LRP1B: variants seen among roughly 807,000 people sequenced by gnomAD.
LRP1B encodes low-density lipoprotein receptor-related protein 1B.
Under a neutral mutation model 556.6 loss-of-function variants are expected in LRP1B, and 217 were observed. The ratio of observed to expected loss-of-function variants is 0.39; its 90% confidence interval spans 0.35 to 0.44. The LOEUF (loss-of-function observed/expected upper bound fraction) is 0.44. Ranked by LOEUF, LRP1B falls within the 20% of genes least tolerant of loss-of-function variation. The pLI is 1.00. For missense variants in LRP1B, 5,053 were observed against 5,620.8 expected (o/e 0.90, Z 3.23); for synonymous variants, 2,047 against 1,865.8 (o/e 1.10, Z -2.50).
intron 2 of LRP1B, among the ~76,000 whole-genome samples, chr2:141,772,498 C>T (rs1378561849): frequency 1.3e-5 from 2 of 152,140 alleles, no homozygotes; most frequent in East Asian, 3.9e-4. Context: ...AATGCAAATT[C>T]CCAGGCGCTT....
At chr2:142,109,158 T>C (rs1706871730) in intron 1 of LRP1B, among the ~76,000 whole-genome samples, 1 of 152,172 alleles carries the variant, frequency 6.6e-6, no homozygotes, top group African/African-American at 2.4e-5. Context: ...CAGAATTCTG[T>C]TACATGTGAA....
chr2:140,460,865 C>T (rs988932415), intron 60 of LRP1B, among the ~76,000 whole-genome samples: 2 of 151,812 alleles, frequency 1.3e-5, no homozygotes, highest in African/African-American at 2.4e-5. Flanking sequence ...TGATATATGG[C>T]AAAAATAAAT....
intron 41 of LRP1B, among the ~76,000 whole-genome samples, chr2:140,655,767 C>A (rs1354011035): frequency 6.6e-6 from 1 of 152,094 alleles, no homozygotes; most frequent in Admixed American, 6.5e-5. Context: ...ACGGTGAAAC[C>A]CCGTCTCTAC....
chr2:140,883,972 T>C lies in LRP1B; in HGVS notation c.4014A>G (p.Glu1338=), dbSNP rs2105187525. 6.2e-7 allele frequency: 1 copy of C among 1,613,284 alleles called. No homozygotes were observed. Among genetic ancestry groups the C allele is most frequent in the Non-Finnish European group, 8.5e-7 (1 of 1,179,904 alleles). The part of the protein sequence containing the change: ...VVVEHGLATP[E]GLTVDWIAGN... ...CTGCTATCCAGTCGACTGTCAGGCC[T>C]TCTGGAGTAGCCAGGCCATGCTCCA... The change falls in exon 25 of 91, where the codon GAA becomes GAG. Residue 1338 remains glutamate, a synonymous_variant. Transcript: ENST00000389484.
chr2:141,362,658 C>A (rs1688870658), intron 3 of LRP1B, among the ~76,000 whole-genome samples: 2 of 152,142 alleles, frequency 1.3e-5, no homozygotes, highest in Non-Finnish European at 2.9e-5. Flanking sequence ...GACAAAATTG[C>A]AAATTCTTCC....
At chr2:140,693,943 A>G (rs1205548397) in intron 41 of LRP1B, among the ~76,000 whole-genome samples, 1 of 152,154 alleles carries the variant, frequency 6.6e-6, no homozygotes, top group Non-Finnish European at 1.5e-5. Flanking sequence ...CCTGGCCTCA[A>G]GTGATCCACC....
intron 1 of LRP1B, among the ~76,000 whole-genome samples, chr2:141,964,411 A>G (rs1002277678): frequency 2.4e-4 from 36 of 147,548 alleles, no homozygotes; most frequent in African/African-American, 8.2e-4. Context: ...AGATCAATGG[A>G]ACAGAACAGA....
chr2:140,293,776 A>G (rs1354490281), intron 84 of LRP1B, among the ~76,000 whole-genome samples: 1 of 152,182 alleles, frequency 6.6e-6, no homozygotes, highest in Non-Finnish European at 1.5e-5. Flanking sequence ...TGCCAAAAAA[A>G]CAGCATCACC....
chr2:141,727,889 T>C (rs375204142), intron 2 of LRP1B, among the ~76,000 whole-genome samples: 12 of 152,038 alleles, frequency 7.9e-5, no homozygotes, highest in African/African-American at 2.7e-4. Flanking sequence ...CAAGTTACCA[T>C]AGTAAGAGAG....
Position 141,257,780 on chromosome 2 carries a change from C to A in LRP1B, c.344-3139G>T, listed in dbSNP as rs140497230. Among the ~76,000 whole-genome samples, 480 of 152,244 alleles carry A rather than the reference C, an allele frequency of 3.2e-3. 3 individuals are homozygous for A. Among genetic ancestry groups the A allele is most frequent in the African/African-American group, 0.011 (455 of 41,544 alleles). Reference sequence around the variant, plus strand: ...GATTCTGCTAACAGATCGTGAAGAACCATGAAGAACTAACAATATGAATAC... The same window carrying A: ...GATTCTGCTAACAGATCGTGAAGAAACATGAAGAACTAACAATATGAATAC... On this transcript the variant is annotated intron_variant, in intron 3 of 90. Coordinates refer to ENST00000389484, the MANE Select transcript of LRP1B (RefSeq NM_018557.3).
intron 1 of LRP1B, among the ~76,000 whole-genome samples, chr2:141,966,073 C>A (rs41412850): frequency 0.047 from 7,123 of 151,792 alleles, 171 homozygotes; most frequent in Middle Eastern, 0.075. Flanking sequence ...TTCAAATTAG[C>A]ATGCTCAGTA....
chr2:141,256,217 A>T, intron 3 of LRP1B, among the ~76,000 whole-genome samples: 1 of 152,084 alleles, frequency 6.6e-6, no homozygotes, highest in East Asian at 1.9e-4. Context: ...GTTGGGACTT[A>T]AAAGTATGAG....
At chr2:140,833,680 TG>T (rs1238852230) in intron 31 of LRP1B, among the ~76,000 whole-genome samples, 4 of 152,156 alleles carry the variant, frequency 2.6e-5, no homozygotes, top group Non-Finnish European at 4.4e-5. Flanking sequence ...TGATGTTAAG[TG>T]GTGACTTACT....
chr2:141,247,651 T>G (rs746230768), intron 4 of LRP1B, among the ~76,000 whole-genome samples: 2 of 152,192 alleles, frequency 1.3e-5, no homozygotes, highest in Non-Finnish European at 2.9e-5. Context: ...TGCACTCCAA[T>G]TAATATTTGT....
chr2:141,479,422 T>C (rs2105087411), intron 3 of LRP1B, among the ~76,000 whole-genome samples: 1 of 152,204 alleles, frequency 6.6e-6, no homozygotes, highest in African/African-American at 2.4e-5. Context: ...TGGGACCTCT[T>C]CCCCCATGAC....
At chr2:142,083,921 C>T (rs534846683) in intron 1 of LRP1B, among the ~76,000 whole-genome samples, 2 of 151,664 alleles carry the variant, frequency 1.3e-5, no homozygotes, top group East Asian at 1.9e-4. Flanking sequence ...GATGAATCTT[C>T]TGAACTTCTG....
rs551535781 is a variant in LRP1B at position 140,628,250 on chromosome 2, G to C, written c.6800-26611C>G. Among the ~76,000 whole-genome samples the C allele has an allele frequency of 2.4e-4, 37 of 152,234 alleles. No homozygotes were observed. The South Asian group carries it at 6.2e-3, about 26-fold the overall frequency. ...CCAAGTTTAAAATTATGTCTATCTG[G>C]CTGGGCGCAGTGGCTCACGACTGTA... On this transcript the variant is annotated intron_variant, in intron 41 of 90. Coordinates refer to ENST00000389484, the MANE Select transcript of LRP1B (RefSeq NM_018557.3).
At chr2:142,082,025 A>G (rs1305349068) in intron 1 of LRP1B, among the ~76,000 whole-genome samples, 5 of 152,208 alleles carry the variant, frequency 3.3e-5, no homozygotes, top group South Asian at 2.1e-4. Context: ...CATTTTGTCC[A>G]TAAGTCATCA....
intron 1 of LRP1B, among the ~76,000 whole-genome samples, chr2:141,999,256 A>G (rs1312082726): frequency 6.6e-6 from 1 of 152,046 alleles, no homozygotes; most frequent in African/African-American, 2.4e-5. Context: ...CCTCCCCATC[A>G]TGGCCTGAAC....
Sources: gnomAD v4.1 joint callset for allele counts (sites outside exome capture counted in the v4.1 genomes callset) on GRCh38, gnomAD v4.1.1 for gene constraint, MANE v1.5 for transcripts, NCBI Gene and HGNC (gene_info 2026-07-23, HGNC 2026-07-21) for gene names.